The following CLSTN2 variants were observed in gnomAD, a reference collection of about 807,000 sequenced individuals.
CLSTN2 encodes calsyntenin 2, also known as calsyntenin-2.
Under a neutral mutation model 101.2 loss-of-function variants are expected in CLSTN2, and 48 were observed. The observed-to-expected ratio is 0.47, with a 90% CI of 0.38 to 0.60. CLSTN2 has a LOEUF of 0.60. CLSTN2 is among the 20% of genes least tolerant of loss of function. The pLI, the probability that CLSTN2 is intolerant of heterozygous loss-of-function variation, is 0.00. For synonymous variants in CLSTN2, 481 were observed against 463.6 expected (o/e 1.04, Z -0.48); for missense variants, 1,160 against 1,238.2 (o/e 0.94, Z 0.95).
At chr3:140,450,097 C>G (rs2108009934) in intron 6 of CLSTN2, 1 of 152,282 alleles carries the variant, frequency 6.6e-6, no homozygotes, top group Middle Eastern at 3.4e-3. Context: ...GCTCTGTGTG[C>G]CCTGCCAGCC....
At chr3:140,160,753 T>C (rs574677593) in intron 1 of CLSTN2, among the ~76,000 whole-genome samples, 2 of 152,114 alleles carry the variant, frequency 1.3e-5, no homozygotes, top group Non-Finnish European at 2.9e-5. Context: ...CTCTACCACA[T>C]GGTGGGGAAA....
At chr3:139,967,697 A>AT (rs1299458888) in intron 1 of CLSTN2, among the ~76,000 whole-genome samples, 3 of 152,202 alleles carry the variant, frequency 2.0e-5, no homozygotes, top group Non-Finnish European at 4.4e-5. Flanking sequence ...TTGCCAATTT[A>AT]TTCTTTTCTT....
intron 10 of CLSTN2, 52 bp from the exon 11 acceptor site, chr3:140,556,461 C>T (rs1473543731): frequency 1.9e-6 from 3 of 1,596,200 alleles, no homozygotes; most frequent in African/African-American, 2.7e-5. Flanking sequence ...TCCCATAAAA[C>T]CATGTACATC....
At chr3:140,044,436 C>T (rs1175853726) in intron 1 of CLSTN2, among the ~76,000 whole-genome samples, 18 of 152,286 alleles carry the variant, frequency 1.2e-4, no homozygotes, top group East Asian at 5.8e-4. Flanking sequence ...TGGGCTGAGA[C>T]GATGGCGTTT....
intron 2 of CLSTN2, among the ~76,000 whole-genome samples, chr3:140,325,317 G>A (rs1325011222): frequency 1.3e-5 from 2 of 152,214 alleles, no homozygotes; most frequent in African/African-American, 4.8e-5. Context: ...GGTTCCCACA[G>A]CAGTGGGCTT....
At position 140,574,624 on chromosome 3, in the gene CLSTN2, C is replaced by G. The variant is rs992717395; in HGVS notation, c.*8371C>G. The G allele has an allele frequency of 3.9e-5, 6 of 152,180 alleles. No homozygotes were observed. Among genetic ancestry groups the G allele is most frequent in the Non-Finnish European group, 8.8e-5 (6 of 68,036 alleles). The allele number at this position is 152,180 out of a possible 1,614,324, so 9.4% of individuals were successfully genotyped here. The stretch of plus-strand genomic sequence containing the variant: ...GACAGTGTGTATTAATCACAGACAA[C>G]AGAAACGTGTTAGCTTTAATGTCTG... On this transcript the variant is annotated 3_prime_UTR_variant, in exon 17 of 17. Transcript: ENST00000458420.
chr3:140,370,761 G>A (rs2087846310), intron 2 of CLSTN2, among the ~76,000 whole-genome samples: 1 of 152,162 alleles, frequency 6.6e-6, no homozygotes, highest in Non-Finnish European at 1.5e-5. Context: ...GTTGCCTTCT[G>A]GGAGCTGAAT....
intron 2 of CLSTN2, among the ~76,000 whole-genome samples, chr3:140,350,137 G>A (rs768388957): frequency 1.3e-5 from 2 of 152,240 alleles, no homozygotes; most frequent in African/African-American, 2.4e-5. Flanking sequence ...CTCTTGCCTT[G>A]TGGCAGATTA....
intron 2 of CLSTN2, among the ~76,000 whole-genome samples, chr3:140,187,527 T>C (rs1185062631): frequency 6.6e-6 from 1 of 152,150 alleles, no homozygotes; most frequent in Non-Finnish European, 1.5e-5. Flanking sequence ...AATCTCATAG[T>C]CTTTCCTTTT....
chr3:140,177,306 T>C (rs570495871), intron 2 of CLSTN2, among the ~76,000 whole-genome samples: 7 of 152,320 alleles, frequency 4.6e-5, no homozygotes, highest in Middle Eastern at 6.8e-3. Flanking sequence ...TTGCAGTCTT[T>C]ACCACAAAAG....
At chr3:140,118,209 C>G (rs1011818555) in intron 1 of CLSTN2, among the ~76,000 whole-genome samples, 1 of 151,874 alleles carries the variant, frequency 6.6e-6, no homozygotes, top group African/African-American at 2.4e-5. Context: ...CCTGATGACA[C>G]CCTGCTCTTG....
intron 2 of CLSTN2, among the ~76,000 whole-genome samples, chr3:140,305,936 A>G (rs1291859613): frequency 6.6e-6 from 1 of 152,090 alleles, no homozygotes; most frequent in Non-Finnish European, 1.5e-5. Flanking sequence ...TGCAGTGAAC[A>G]TGTGTTACTT....
rs752195348 is a variant in CLSTN2 at position 140,563,115 on chromosome 3, G to C, written c.2394G>C (p.Lys798Asn). The C allele has an allele frequency of 1.2e-6, 2 of 1,613,984 alleles. No homozygotes were observed. The highest frequency in any genetic ancestry group is 3.3e-5 in the Admixed American group (2 of 60,002). The change falls in exon 15 of 17, where the codon AAG (lysine) becomes AAC (asparagine). Residue 798 changes from lysine (K) to asparagine (N), a missense_variant. By Grantham distance (94) the Lys-to-Asn change is moderately conservative. Transcript: ENST00000458420. ...SILHEDQVSD[K>N]EHVNHLIVQP... ...TTCATGAAGACCAAGTCTCAGATAA[G>C]GAGCATGTCAATCATCTGATTGTGC... is the stretch of plus-strand genomic sequence containing the variant.
At chr3:140,361,390 A>G (rs2087728320) in intron 2 of CLSTN2, among the ~76,000 whole-genome samples, 1 of 152,222 alleles carries the variant, frequency 6.6e-6, no homozygotes, top group Non-Finnish European at 1.5e-5. Flanking sequence ...TTAATGGTAG[A>G]AGATGGAAAT....
intron 1 of CLSTN2, among the ~76,000 whole-genome samples, chr3:139,953,191 G>T (rs1935322026): frequency 6.6e-6 from 1 of 152,104 alleles, no homozygotes; most frequent in Non-Finnish European, 1.5e-5. Context: ...GGTACAGGTT[G>T]AATAGAGACT....
At chr3:140,462,156 G>A (rs1316863302) in intron 7 of CLSTN2, among the ~76,000 whole-genome samples, 3 of 152,038 alleles carry the variant, frequency 2.0e-5, no homozygotes, top group Non-Finnish European at 4.4e-5. Context: ...TTGCTTCTGT[G>A]TATATGTAGA....
chr3:140,563,881 G>A (rs939620090), intron 15 of CLSTN2, 80 bp from the exon 16 acceptor site: 46 of 1,412,106 alleles, frequency 3.3e-5, no homozygotes, highest in East Asian at 1.4e-4. Context: ...TCCTATGCAC[G>A]GATGTTTCAT....
chr3:140,330,074 G>A (rs1362940662), intron 2 of CLSTN2, among the ~76,000 whole-genome samples: 1 of 152,230 alleles, frequency 6.6e-6, no homozygotes. Flanking sequence ...AGAGTGCCAA[G>A]CCTTCAAGCA....
At chr3:140,325,057 T>C (rs549209002) in intron 2 of CLSTN2, among the ~76,000 whole-genome samples, 13 of 152,250 alleles carry the variant, frequency 8.5e-5, no homozygotes, top group African/African-American at 3.1e-4. Flanking sequence ...AAGTTCTTTT[T>C]AAATTTTTAT....
Sources: gnomAD v4.1 joint callset for allele counts (sites outside exome capture counted in the v4.1 genomes callset) on GRCh38, gnomAD v4.1.1 for gene constraint, MANE v1.5 for transcripts, NCBI Gene and HGNC (gene_info 2026-07-23, HGNC 2026-07-21) for gene names.